Variants in UTP6 observed in about 807,000 individuals in gnomAD.
The protein encoded by UTP6 is UTP6 small subunit processome component.
A neutral mutation model predicts 96.5 loss-of-function variants in UTP6; 60 were observed. The ratio of observed to expected loss-of-function variants is 0.62; its 90% confidence interval spans 0.51 to 0.77. UTP6 has a LOEUF of 0.77. Ranked by LOEUF, UTP6 falls within the 30% of genes least tolerant of loss-of-function variation. The pLI, the probability that UTP6 is intolerant of heterozygous loss-of-function variation, is 0.00. For missense variants in UTP6, 637 were observed against 706.5 expected (o/e 0.90, Z 1.12); for synonymous variants, 215 against 240.1 (o/e 0.90, Z 0.96).
At chr17:31,871,797 G>A (rs912940568) in intron 16 of UTP6, among the ~76,000 whole-genome samples, 8 of 151,892 alleles carry the variant, frequency 5.3e-5, no homozygotes, top group African/African-American at 1.2e-4. Context: ...GGAAGCTAAC[G>A]CACAAGAATC....
At chr17:31,889,237 G>C in intron 7 of UTP6, 48 bp downstream of exon 7, 1 of 1,439,542 alleles carries the variant, frequency 6.9e-7, no homozygotes, top group Non-Finnish European at 9.6e-7. Context: ...GTCTCCAGAG[G>C]ACCAAACTGA....
At chr17:31,865,516 G>C in intron 17 of UTP6, 78 bp from the exon 18 acceptor site, 1 of 1,377,418 alleles carries the variant, frequency 7.3e-7, no homozygotes, top group South Asian at 1.2e-5. Flanking sequence ...TTGTTAAGCA[G>C]CTACTGTCTG....
Position 31,863,510 on chromosome 17 carries a change from C to T in UTP6, c.1643G>A (p.Trp548Ter), listed in dbSNP as rs1399180852. Residue 548 changes from tryptophan (W) to a stop codon, truncating the protein, a stop_gained, in exon 19 of 19, where the codon TGG (tryptophan) becomes TAG (stop). Coordinates refer to ENST00000261708, the MANE Select transcript of UTP6 (RefSeq NM_018428.3). LOFTEE classifies it high-confidence loss of function. ...CAATTCTTCTTTCATATAATCCATCCAAAGATCTTTTAAAAAAAAAACATA... is the reference window on the plus strand; with the variant it reads ...CAATTCTTCTTTCATATAATCCATCTAAAGATCTTTTAAAAAAAAAACATA... ...REFGSADSDL[W>*]MDYMKEELNH... The T allele has an allele frequency of 6.3e-7, 1 of 1,597,280 alleles. No individual in the cohort carries two copies. Among genetic ancestry groups the T allele is most frequent in the Non-Finnish European group, 8.5e-7 (1 of 1,174,258 alleles).
In UTP6 at chr17:31,891,574, C is replaced by T. The variant is rs370714859; in HGVS notation, c.424+686G>A. ...TACATTATTCACAAGAGAAATATTT[C>T]TCTTACAAAACATGAGTCTACTCTG... On this transcript the variant is annotated intron_variant, in intron 6 of 18. Transcript: ENST00000261708. Among the ~76,000 whole-genome samples, 43 of 152,282 alleles carry T rather than the reference C, an allele frequency of 2.8e-4. No homozygotes were observed. The East Asian group carries it at 7.3e-3, about 26-fold the overall frequency.
intron 6 of UTP6, among the ~76,000 whole-genome samples, chr17:31,890,675 T>C (rs1044377077): frequency 6.6e-6 from 1 of 151,100 alleles, no homozygotes; most frequent in African/African-American, 2.4e-5. Flanking sequence ...TATTTTTTGC[T>C]CTTTTCTCAA....
Position 31,901,681 on chromosome 17 carries a change from G to A in UTP6, c.-54C>T, listed in dbSNP as rs1904991925. 4 of 1,568,352 alleles carry A rather than the reference G, an allele frequency of 2.6e-6. No individual in the cohort carries two copies. The highest frequency in any genetic ancestry group is 3.5e-6 in the Non-Finnish European group (4 of 1,144,700). ...AGCTTCTCAACAGCGAACACGAGCA[G>A]GAAGCTCCCGGTTTCAGGTTCGGAG... On this transcript the variant is annotated 5_prime_UTR_variant, in exon 1 of 19. Coordinates refer to ENST00000261708, the MANE Select transcript of UTP6 (RefSeq NM_018428.3).
At chr17:31,871,461 T>A (rs1910167750) in intron 16 of UTP6, among the ~76,000 whole-genome samples, 2 of 152,110 alleles carry the variant, frequency 1.3e-5, no homozygotes, top group Admixed American at 6.6e-5. Flanking sequence ...TTATAAAGAA[T>A]TTTTGGCTGG....
At chr17:31,893,171 G>C (rs550245627) in intron 4 of UTP6, among the ~76,000 whole-genome samples, 64 of 152,268 alleles carry the variant, frequency 4.2e-4, no homozygotes, top group African/African-American at 1.2e-3. Flanking sequence ...TACTCAGGAA[G>C]TTGAGACAGG....
In UTP6 at chr17:31,884,494, G is replaced by C; in HGVS notation, c.715C>G (p.His239Asp). The change falls in exon 10 of 19, where the codon CAC (histidine) becomes GAC (aspartate). Residue 239 changes from histidine (H) to aspartate (D), a missense_variant. By Grantham distance (81) the His-to-Asp change is moderately conservative. Coordinates refer to ENST00000261708, the MANE Select transcript of UTP6 (RefSeq NM_018428.3). ...SVSIIKGAEF[H>D]VSLLSIAQLF... ...TGTGCAATCGAAAGCAGTGACACGT[G>C]AAATTCTGCACCTAAATTTAAAAAG... 1 of 1,611,290 alleles carries C rather than the reference G, an allele frequency of 6.2e-7. No individual in the cohort carries two copies. The highest frequency in any genetic ancestry group is 1.1e-5 in the South Asian group (1 of 90,128).
At chr17:31,873,947 C>T (rs1910342179) in intron 14 of UTP6, 194 bp from the exon 15 acceptor site, 1 of 559,990 alleles carries the variant, frequency 1.8e-6, no homozygotes, top group Non-Finnish European at 3.0e-6. Flanking sequence ...GGATTCATTC[C>T]CAAACAGTCC....
Position 31,878,670 on chromosome 17 carries a change from A to T in UTP6, c.1047+32T>A, listed in dbSNP as rs1302229803. ...TTCTTTCAGAAGGCAGTCACTATCT[A>T]GTCAACCACTGTAACCATGTAACAA... On this transcript the variant is annotated intron_variant, in intron 12 of 18. Coordinates refer to ENST00000261708, the MANE Select transcript of UTP6 (RefSeq NM_018428.3). 1.9e-6 allele frequency: 3 copies of T among 1,588,568 alleles called. No individual in the cohort carries two copies. The South Asian group carries it at 3.3e-5, about 18-fold the overall frequency.
chr17:31,870,943 G>A (rs1910131690), intron 16 of UTP6, among the ~76,000 whole-genome samples: 1 of 150,502 alleles, frequency 6.6e-6, no homozygotes. Flanking sequence ...AGCTTCCCAA[G>A]TAGCTAAAAT....
chr17:31,878,253 C>G lies in UTP6; in HGVS notation c.1122G>C (p.Gln374His), dbSNP rs753239778. The change falls in exon 13 of 19, where the codon CAG becomes CAC. Residue 374 changes from glutamine to histidine, a missense_variant. Gln to His is a conservative substitution (Grantham distance 24, BLOSUM62 0). Transcript: ENST00000261708. ...LKLLSECQYK[Q>H]LSVSLLCYNF... ...AATATTTTCTCTATGTTCTTACCAA[C>G]TGCTTGTATTGGCATTCTGACAGAA... 14 of 1,613,920 alleles carry G rather than the reference C, an allele frequency of 8.7e-6. No homozygotes were observed. Among genetic ancestry groups the G allele is most frequent in the Non-Finnish European group, 1.2e-5 (14 of 1,179,940 alleles).
At chr17:31,883,316 A>ATTT (rs764591553) in intron 10 of UTP6, among the ~76,000 whole-genome samples, 1 of 142,246 alleles carries the variant, frequency 7.0e-6, no homozygotes, top group African/African-American at 2.6e-5. Flanking sequence ...TAAGCTTTAG[A>ATTT]TTTTTTTTTT....
chr17:31,880,093 G>T, intron 11 of UTP6: 1 of 170,140 alleles, frequency 5.9e-6, no homozygotes, highest in Non-Finnish European at 1.3e-5. Flanking sequence ...GCAACAGAGT[G>T]AGACTCTGTC....
chr17:31,866,380 G>A (rs1304540961), intron 17 of UTP6, among the ~76,000 whole-genome samples: 3 of 151,572 alleles, frequency 2.0e-5, no homozygotes, highest in Non-Finnish European at 4.4e-5. Flanking sequence ...CAGATCACAA[G>A]GTCAGGAGTT....
At chr17:31,893,100 G>A (rs886714138) in intron 4 of UTP6, among the ~76,000 whole-genome samples, 13 of 151,896 alleles carry the variant, frequency 8.6e-5, no homozygotes, top group Admixed American at 5.3e-4. Flanking sequence ...GTGAAACCCC[G>A]TCTCTACTAA....
chr17:31,866,318 G>A (rs985302395), intron 17 of UTP6, among the ~76,000 whole-genome samples: 8 of 151,364 alleles, frequency 5.3e-5, no homozygotes, highest in African/African-American at 1.7e-4. Flanking sequence ...TATTCTTGCC[G>A]GGTGCAGTGG....
chr17:31,901,600 C>G lies in UTP6; in HGVS notation c.28G>C (p.Glu10Gln), dbSNP rs1164104731. 1 of 1,614,038 alleles carries G rather than the reference C, an allele frequency of 6.2e-7. No homozygotes were observed. Among genetic ancestry groups the G allele is most frequent in the Non-Finnish European group, 8.5e-7 (1 of 1,180,038 alleles). MAEIIQERI[E>Q]DRLPELEQLE... ...TGTTCCAATTCCGGGAGCCGATCTT[C>G]TATGCGTTCCTGAATTATCTCTGCC... The change falls in exon 1 of 19, where the codon GAA becomes CAA. Residue 10 changes from glutamate to glutamine, a missense_variant. Transcript: ENST00000261708.
Sources: gnomAD v4.1 joint callset for allele counts (sites outside exome capture counted in the v4.1 genomes callset) on GRCh38, gnomAD v4.1.1 for gene constraint, MANE v1.5 for transcripts, NCBI Gene and HGNC (gene_info 2026-07-23, HGNC 2026-07-21) for gene names.